Variants in TUSC3 observed in about 807,000 individuals in gnomAD.
TUSC3 encodes the protein dolichyl-diphosphooligosaccharide--protein glycosyltransferase subunit TUSC3.
A neutral mutation model predicts 44.8 loss-of-function variants in TUSC3; 45 were observed. The ratio of observed to expected loss-of-function variants is 1.00; its 90% CI spans 0.79 to 1.29. The LOEUF is 1.29. Among genes scored for constraint, TUSC3 ranks in the 50% most tolerant of loss-of-function variants. The probability of loss-of-function intolerance (pLI) is 0.00; values close to 1 mark genes in which losing one functional copy is unlikely to be tolerated. For missense variants in TUSC3, 519 were observed against 437.9 expected, an observed-to-expected ratio of 1.19 and a Z score of -1.65; for synonymous variants, 212 against 152.9, an observed-to-expected ratio of 1.39 and a Z score of -2.85.
intron 6 of TUSC3, among the ~76,000 whole-genome samples, chr8:15,703,074 T>A (rs1038009762): frequency 1.3e-5 from 2 of 152,182 alleles, no homozygotes; most frequent in African/African-American, 4.8e-5. Context: ...AGGGAAAAAC[T>A]GCTGAGATTC....
At chr8:15,738,198 A>T (rs1382111609) in intron 7 of TUSC3, among the ~76,000 whole-genome samples, 1 of 152,204 alleles carries the variant, frequency 6.6e-6, no homozygotes, top group Non-Finnish European at 1.5e-5. Flanking sequence ...GCTGATTTCT[A>T]ACAAAACATT....
chr8:15,551,217 A>G (rs899498818), intron 1 of TUSC3, among the ~76,000 whole-genome samples: 7 of 151,686 alleles, frequency 4.6e-5, no homozygotes, highest in African/African-American at 1.7e-4. Context: ...TTTCTGGCAT[A>G]TCTTTAATTT....
chr8:15,471,834 T>C (rs1169802404), intron 1 of TUSC3, among the ~76,000 whole-genome samples: 1 of 152,066 alleles, frequency 6.6e-6, no homozygotes, highest in African/African-American at 2.4e-5. Flanking sequence ...GCCAGGCTGG[T>C]CTCGAACTCC....
intron 1 of TUSC3, among the ~76,000 whole-genome samples, chr8:15,435,562 C>T (rs929981270): frequency 2.6e-5 from 4 of 152,130 alleles, no homozygotes; most frequent in Non-Finnish European, 5.9e-5. Context: ...TTTCCAATTT[C>T]CAACATCATG....
At chr8:15,798,238 G>A in the TUSC3 span, among the ~76,000 whole-genome samples, 1 of 152,130 alleles carries the variant, frequency 6.6e-6, no homozygotes, top group African/African-American at 2.4e-5. Context: ...GACCCTTAAG[G>A]TCATGTTAAC....
At chr8:15,827,996 T>A in the TUSC3 span, among the ~76,000 whole-genome samples, 1 of 77,800 alleles carries the variant, frequency 1.3e-5, no homozygotes, top group Admixed American at 1.7e-4. Context: ...TTTGGTATCT[T>A]TTTTTTTTTT....
At chr8:15,650,933 T>C (rs1033853253) in intron 3 of TUSC3, 119 bp downstream of exon 3, 5 of 999,886 alleles carry the variant, frequency 5.0e-6, no homozygotes, top group African/African-American at 1.6e-5. Flanking sequence ...GAGGTTGCAG[T>C]GAGCCGAGAT....
intron 1 of TUSC3, among the ~76,000 whole-genome samples, chr8:15,573,202 C>CTCTCTATATA (rs1435847916): frequency 2.2e-4 from 16 of 74,172 alleles, no homozygotes; most frequent in East Asian, 4.7e-4. Context: ...CTCTCTCTCT[C>CTCTCTATATA]TATATATATA....
the TUSC3 span, among the ~76,000 whole-genome samples, chr8:15,798,100 C>A: frequency 6.6e-6 from 1 of 152,330 alleles, no homozygotes; most frequent in Non-Finnish European, 1.5e-5. Context: ...TAGGGGTTCT[C>A]TACATGTGGC....
At chr8:15,822,690 G>A in the TUSC3 span, among the ~76,000 whole-genome samples, 1 of 152,158 alleles carries the variant, frequency 6.6e-6, no homozygotes, top group African/African-American at 2.4e-5. Flanking sequence ...AGGGGACAGA[G>A]AAGGAGCATC....
chr8:15,643,664 A>T (rs924396296), intron 2 of TUSC3, among the ~76,000 whole-genome samples: 1 of 152,162 alleles, frequency 6.6e-6, no homozygotes, highest in Non-Finnish European at 1.5e-5. Flanking sequence ...TATTCAGTCA[A>T]TTACAATATG....
the TUSC3 span, among the ~76,000 whole-genome samples, chr8:15,788,070 T>A: frequency 6.6e-6 from 1 of 152,180 alleles, no homozygotes; most frequent in African/African-American, 2.4e-5. Context: ...CCCTCTGTAG[T>A]CCTTCCTTTC....
chr8:15,830,957 G>A, the TUSC3 span, among the ~76,000 whole-genome samples: 8 of 151,924 alleles, frequency 5.3e-5, no homozygotes, highest in South Asian at 1.0e-3. Flanking sequence ...ACCTTGCCAC[G>A]CTGTCACTGC....
chr8:15,589,036 G>A (rs537165495), intron 1 of TUSC3, among the ~76,000 whole-genome samples: 4 of 151,890 alleles, frequency 2.6e-5, no homozygotes, highest in African/African-American at 7.3e-5. Flanking sequence ...TTGGTTATTC[G>A]GAGTGCAGTT....
intron 2 of TUSC3, among the ~76,000 whole-genome samples, chr8:15,504,605 ATATATATATATATATATTTTTTTTTT>A (rs1346735251): frequency 2.9e-4 from 9 of 31,160 alleles, no homozygotes; most frequent in African/African-American, 1.4e-3. Context: ...ATATATATAT[ATATATATATATATATATTTTTTTTTT>A]TTTTTTTTTT....
intron 1 of TUSC3, among the ~76,000 whole-genome samples, chr8:15,439,230 T>G (rs1793209347): frequency 6.6e-6 from 1 of 152,058 alleles, no homozygotes; most frequent in Admixed American, 6.6e-5. Flanking sequence ...AGTGATGCAG[T>G]CCATAGTAAT....
intron 2 of TUSC3, among the ~76,000 whole-genome samples, chr8:15,628,677 G>A (rs1450092363): frequency 6.6e-6 from 1 of 152,168 alleles, no homozygotes; most frequent in East Asian, 1.9e-4. Context: ...GAGAAGCAAT[G>A]GAAATGGAAA....
At chr8:15,647,790 C>A (rs968219085) in intron 2 of TUSC3, among the ~76,000 whole-genome samples, 1 of 152,078 alleles carries the variant, frequency 6.6e-6, no homozygotes, top group Non-Finnish European at 1.5e-5. Context: ...TTTGTCTCAA[C>A]GTGCAATTTT....
At chr8:15,716,953 T>A (rs1810083615) in intron 6 of TUSC3, among the ~76,000 whole-genome samples, 1 of 152,076 alleles carries the variant, frequency 6.6e-6, no homozygotes, top group Admixed American at 6.6e-5. Flanking sequence ...AATCCCTGAA[T>A]ATTTTACTGT....
Sources: allele counts gnomAD v4.1 joint callset (sites outside exome capture counted in the v4.1 genomes callset), GRCh38; gene constraint gnomAD v4.1.1; transcripts MANE v1.5; gene names NCBI Gene and HGNC (gene_info 2026-07-23, HGNC 2026-07-21).